APBB1IP: variants seen among roughly 807,000 people sequenced by gnomAD.
APBB1IP encodes amyloid beta A4 precursor protein-binding family B member 1-interacting protein.
A neutral mutation model predicts 64.9 loss-of-function variants in APBB1IP; 27 were observed. That is an observed-to-expected ratio of 0.42 (90% CI 0.31 to 0.57). The LOEUF (loss-of-function observed/expected upper bound fraction) is 0.57. APBB1IP is among the 20% of genes least tolerant of loss of function. APBB1IP has a pLI of 0.20. For synonymous variants in APBB1IP, 392 were observed against 331.0 expected, an observed-to-expected ratio of 1.18 and a Z score of -2.00; for missense variants, 812 against 845.5, an observed-to-expected ratio of 0.96 and a Z score of 0.49.
chr10:26,485,735 T>G (rs904855681), intron 2 of APBB1IP, among the ~76,000 whole-genome samples: 5 of 152,186 alleles, frequency 3.3e-5, no homozygotes, highest in Admixed American at 6.5e-5. Context: ...AAGGCCAGGA[T>G]TTACTGACAT....
chr10:26,444,243 C>T (rs6482560), intron 2 of APBB1IP, among the ~76,000 whole-genome samples: 58,939 of 151,854 alleles, frequency 0.39, 11,630 homozygotes, highest in South Asian at 0.49. Context: ...GAGAGAGAAA[C>T]AGATGTGGTT....
At chr10:26,546,241 G>T (rs187822182) in intron 11 of APBB1IP, among the ~76,000 whole-genome samples, 1 of 152,284 alleles carries the variant, frequency 6.6e-6, no homozygotes, top group African/African-American at 2.4e-5. Context: ...TTAGTAAGTG[G>T]TAGTTATTAT....
intron 2 of APBB1IP, among the ~76,000 whole-genome samples, chr10:26,487,250 C>G (rs1169813379): frequency 2.0e-5 from 3 of 148,348 alleles, no homozygotes; most frequent in Admixed American, 1.4e-4. Flanking sequence ...TTATTTTGAC[C>G]TTTGGAAAAT....
In APBB1IP at chr10:26,492,354, C is replaced by A; in HGVS notation, c.28C>A (p.Gln10Lys). The A allele has an allele frequency of 6.2e-7, 1 of 1,613,866 alleles. No homozygotes were observed. Among genetic ancestry groups the A allele is most frequent in the East Asian group, 2.2e-5 (1 of 44,828 alleles). Residue 10 changes from glutamine to lysine, a missense_variant, in exon 3 of 15, where the codon CAA becomes AAA. Physicochemically the swap from Gln to Lys is moderately conservative, Grantham distance 53. Coordinates refer to ENST00000376236, the MANE Select transcript of APBB1IP (RefSeq NM_019043.4). MGESSEDID[Q>K]MFSTLLGEMD... is the part of the protein sequence containing the mutation. The stretch of plus-strand genomic sequence containing the variant: ...GGGTGAGTCAAGTGAAGACATAGAC[C>A]AAATGTTCAGCACTTTGCTGGGAGA...
At chr10:26,498,533 T>G (rs1836057211) in intron 4 of APBB1IP, among the ~76,000 whole-genome samples, 1 of 152,072 alleles carries the variant, frequency 6.6e-6, no homozygotes, top group Non-Finnish European at 1.5e-5. Context: ...GCTATACACT[T>G]TAGTAAAATT....
chr10:26,465,570 A>G (rs530580655), intron 2 of APBB1IP, among the ~76,000 whole-genome samples: 1 of 152,322 alleles, frequency 6.6e-6, no homozygotes, highest in Non-Finnish European at 1.5e-5. Flanking sequence ...AATTCTCCAT[A>G]GAAAAGATAT....
At chr10:26,446,458 G>A (rs1225941247) in intron 2 of APBB1IP, among the ~76,000 whole-genome samples, 1 of 152,066 alleles carries the variant, frequency 6.6e-6, no homozygotes, top group Non-Finnish European at 1.5e-5. Context: ...CATGAATGTC[G>A]GTAAGTGCTA....
intron 11 of APBB1IP, among the ~76,000 whole-genome samples, chr10:26,548,651 T>C (rs1463526173): frequency 1.3e-5 from 2 of 152,210 alleles, no homozygotes; most frequent in African/African-American, 4.8e-5. Context: ...AGTTGGCTAC[T>C]GTTGAATAGA....
intron 2 of APBB1IP, among the ~76,000 whole-genome samples, chr10:26,468,192 C>T (rs972420772): frequency 1.3e-5 from 2 of 152,220 alleles, no homozygotes; most frequent in African/African-American, 2.4e-5. Flanking sequence ...CCCATCCTCT[C>T]AGGTGGCCAA....
chr10:26,535,553 C>T (rs1836610578), intron 9 of APBB1IP, among the ~76,000 whole-genome samples: 1 of 152,078 alleles, frequency 6.6e-6, no homozygotes, highest in Non-Finnish European at 1.5e-5. Flanking sequence ...AGGTCTTATT[C>T]ATTCTTTCTA....
intron 9 of APBB1IP, among the ~76,000 whole-genome samples, chr10:26,535,077 TTGAC>T (rs1476914732): frequency 1.3e-5 from 2 of 152,094 alleles, no homozygotes; most frequent in Non-Finnish European, 2.9e-5. Flanking sequence ...AAAAATAAGT[TTGAC>T]TATTTGAATT....
intron 2 of APBB1IP, among the ~76,000 whole-genome samples, chr10:26,472,383 G>A (rs112050205): frequency 6.6e-6 from 1 of 152,176 alleles, no homozygotes; most frequent in Non-Finnish European, 1.5e-5. Flanking sequence ...AATCGCTATG[G>A]TCTGTATGGA....
At chr10:26,455,087 C>T (rs1164309538) in intron 2 of APBB1IP, among the ~76,000 whole-genome samples, 3 of 152,202 alleles carry the variant, frequency 2.0e-5, no homozygotes, top group Non-Finnish European at 2.9e-5. Flanking sequence ...ATGGATGAGA[C>T]AGGATGCTGA....
intron 2 of APBB1IP, among the ~76,000 whole-genome samples, chr10:26,462,303 G>T (rs918525468): frequency 6.6e-6 from 1 of 152,128 alleles, no homozygotes; most frequent in Non-Finnish European, 1.5e-5. Flanking sequence ...CAATAATGGC[G>T]GGACCCCTTT....
chr10:26,515,128 G>T (rs748839658), intron 8 of APBB1IP, among the ~76,000 whole-genome samples: 1 of 149,656 alleles, frequency 6.7e-6, no homozygotes, highest in African/African-American at 2.5e-5. Context: ...TGATCCGCCC[G>T]CCTTGGCCTC....
At chr10:26,504,511 A>C (rs541671513) in intron 6 of APBB1IP, among the ~76,000 whole-genome samples, 2 of 152,208 alleles carry the variant, frequency 1.3e-5, no homozygotes, top group South Asian at 4.1e-4. Flanking sequence ...GGAGTTTAAG[A>C]CCAGCCTGGC....
intron 8 of APBB1IP, among the ~76,000 whole-genome samples, chr10:26,530,160 G>A (rs1836530427): frequency 6.6e-6 from 1 of 151,730 alleles, no homozygotes; most frequent in Non-Finnish European, 1.5e-5. Context: ...CCCTTCTGTG[G>A]TATTAAGTAC....
At chr10:26,445,123 GAAAGA>G (rs1467832831) in intron 2 of APBB1IP, among the ~76,000 whole-genome samples, 1 of 47,470 alleles carries the variant, frequency 2.1e-5, no homozygotes, top group Non-Finnish European at 4.0e-5. Flanking sequence ...AAGAAAGAAA[GAAAGA>G]AAAGAAAGAA....
chr10:26,544,083 C>A (rs779335084), intron 11 of APBB1IP, among the ~76,000 whole-genome samples: 3 of 152,202 alleles, frequency 2.0e-5, no homozygotes, highest in Admixed American at 6.5e-5. Context: ...TCAGGCAGTG[C>A]GGCTCAGAGG....
Sources: allele counts gnomAD v4.1 joint callset (sites outside exome capture counted in the v4.1 genomes callset), GRCh38; gene constraint gnomAD v4.1.1; transcripts MANE v1.5; gene names NCBI Gene and HGNC (gene_info 2026-07-23, HGNC 2026-07-21).